Variants in GLI3 observed in about 807,000 individuals in gnomAD.
The protein encoded by GLI3 is transcription activator GLI3.
A neutral mutation model predicts 100.8 loss-of-function variants in GLI3; 20 were observed. The ratio of observed to expected loss-of-function variants is 0.20; its 90% CI spans 0.14 to 0.29. The LOEUF is 0.29. GLI3 is among the 10% of genes least tolerant of loss of function. The pLI, the probability that GLI3 is intolerant of heterozygous loss-of-function variation, is 1.00. For synonymous variants in GLI3, 938 were observed against 860.5 expected (o/e 1.09, Z -1.58); for missense variants, 2,040 against 2,128.5 (o/e 0.96, Z 0.82).
At chr7:42,139,547 C>T (rs1410378644) in intron 3 of GLI3, among the ~76,000 whole-genome samples, 1 of 152,110 alleles carries the variant, frequency 6.6e-6, no homozygotes, top group Non-Finnish European at 1.5e-5. Flanking sequence ...GGCATGGTGG[C>T]ACATGCCTGT....
rs941031777 is a variant in GLI3 at position 42,161,293 on chromosome 7, G to A, written c.125-12825C>T. 7.9e-5 allele frequency among the ~76,000 whole-genome samples: 12 copies of A among 152,252 alleles called. No homozygotes were observed. In the South Asian group the frequency reaches 2.3e-3, roughly 29 times the overall value. ...TTAAATTTCAAGGTCCATAAATAAT[G>A]TTTTGTTGGAACACAGCCAGGCTCA... On this transcript the variant is annotated intron_variant, in intron 2 of 14. Coordinates refer to ENST00000395925, the MANE Select transcript of GLI3 (RefSeq NM_000168.6).
At chr7:42,122,724 G>A (rs1786032006) in intron 3 of GLI3, among the ~76,000 whole-genome samples, 2 of 152,198 alleles carry the variant, frequency 1.3e-5, no homozygotes, top group Non-Finnish European at 2.9e-5. Context: ...TGCAAGTCAA[G>A]TATATTCTAA....
At chr7:42,147,956 T>C (rs533131996) in intron 3 of GLI3, among the ~76,000 whole-genome samples, 1 of 152,180 alleles carries the variant, frequency 6.6e-6, no homozygotes, top group Non-Finnish European at 1.5e-5. Flanking sequence ...CTCATGTGGA[T>C]TAGTCACAAA....
At chr7:42,125,370 C>T (rs555739291) in intron 3 of GLI3, among the ~76,000 whole-genome samples, 1 of 152,314 alleles carries the variant, frequency 6.6e-6, no homozygotes, top group Admixed American at 6.5e-5. Flanking sequence ...CAGCAGACCA[C>T]GGAGGAAGGC....
intron 2 of GLI3, among the ~76,000 whole-genome samples, chr7:42,170,266 T>TTACATATATATATATATATATA (rs1787339574): frequency 1.5e-5 from 2 of 137,688 alleles, no homozygotes; most frequent in South Asian, 2.3e-4. Context: ...AAAAAAAAAA[T>TTACATATATATATATATATATA]TATATATATA....
At position 41,964,420 on chromosome 7, in the gene GLI3, G is replaced by T. The variant is rs140436882; in HGVS notation, c.4653C>A (p.Ser1551=). The T allele has an allele frequency of 3.1e-6, 5 of 1,613,980 alleles. No homozygotes were observed. In the African/African-American group the frequency reaches 6.7e-5, roughly 22 times the overall value. ...PRASLPFPAL[S]MSTTNMAIGD... is the part of the protein sequence containing the mutation. Reference sequence around the variant, plus strand: ...CGATAGCCATGTTGGTGGTGCTCATGGACAGCGCTGGGAATGGGAGGGACG... The same window carrying T: ...CGATAGCCATGTTGGTGGTGCTCATTGACAGCGCTGGGAATGGGAGGGACG... Residue 1551 remains serine (S), a synonymous_variant, in exon 15 of 15, where the codon TCC becomes TCA. Coordinates refer to ENST00000395925, the MANE Select transcript of GLI3 (RefSeq NM_000168.6).
intron 3 of GLI3, among the ~76,000 whole-genome samples, chr7:42,096,981 T>C (rs1382343380): frequency 5.3e-5 from 8 of 152,180 alleles, no homozygotes; most frequent in Admixed American, 5.2e-4. Flanking sequence ...GGATGTTTAA[T>C]AAAAAGCTGT....
chr7:42,122,602 G>A (rs1458275736), intron 3 of GLI3, among the ~76,000 whole-genome samples: 1 of 152,176 alleles, frequency 6.6e-6, no homozygotes, highest in Admixed American at 6.5e-5. Context: ...ACACAAGTCA[G>A]CCAGCAAAGG....
intron 2 of GLI3, among the ~76,000 whole-genome samples, chr7:42,152,953 A>C (rs1015371764): frequency 3.3e-5 from 5 of 152,228 alleles, no homozygotes; most frequent in Non-Finnish European, 5.9e-5. Context: ...CTAGCCGCTC[A>C]GCTCAATTCA....
At position 42,148,135 on chromosome 7, in the gene GLI3, GCACA is replaced by G. The variant is rs34148485; in HGVS notation, c.367+87_367+90del. The G allele has an allele frequency of 0.21, 179,521 of 856,160 alleles. 5,791 individuals carry two copies. Among genetic ancestry groups the G allele is most frequent in the South Asian group, 0.26 (11,600 of 45,298 alleles). The allele number at this position is 856,160 out of a possible 1,614,324, so 53.0% of individuals were successfully genotyped here. A position where few individuals can be genotyped will look rare whatever the true frequency, so the allele number is the denominator to read the frequency against. ...TACAAGCCAAAACTTCATAAAGCGC[GCACA>G]CACACACACACACACACACACACAC... On this transcript the variant is annotated intron_variant, in intron 3 of 14. Coordinates refer to ENST00000395925, the MANE Select transcript of GLI3 (RefSeq NM_000168.6).
intron 7 of GLI3, among the ~76,000 whole-genome samples, chr7:42,028,199 A>G (rs933408127): frequency 6.6e-6 from 1 of 152,188 alleles, no homozygotes; most frequent in Non-Finnish European, 1.5e-5. Context: ...AAACCAAAAT[A>G]ACCCACTTCA....
chr7:42,081,571 G>A (rs907581655), intron 3 of GLI3, among the ~76,000 whole-genome samples: 8 of 152,282 alleles, frequency 5.3e-5, no homozygotes, highest in Middle Eastern at 3.4e-3. Context: ...GAGAGGCATT[G>A]ATTTTTAGGT....
chr7:42,020,157 A>T (rs570129175), intron 10 of GLI3, among the ~76,000 whole-genome samples: 2 of 152,348 alleles, frequency 1.3e-5, no homozygotes, highest in Admixed American at 6.5e-5. Flanking sequence ...TGAACGAGGT[A>T]ATCTTTTCAA....
In GLI3 at chr7:41,963,975, T is replaced by A. The variant is rs1351036573; in HGVS notation, c.*355A>T. ...TTGAGCAACAGCAAAACATGTCAAA[T>A]CCTTTAATTTGACTGCTCTTCTAAA... On this transcript the variant is annotated 3_prime_UTR_variant, in exon 15 of 15. Coordinates refer to ENST00000395925, the MANE Select transcript of GLI3 (RefSeq NM_000168.6). 4.8e-6 allele frequency: 1 copy of A among 207,958 alleles called. No homozygotes were observed. Among genetic ancestry groups the A allele is most frequent in the East Asian group, 1.3e-4 (1 of 7,702 alleles). The allele number at this position is 207,958 out of a possible 1,614,324, so 12.9% of individuals were successfully genotyped here.
rs142866706 is a variant in GLI3, at chr7:42,258,863, G to T, written c.-43+5131C>A. Among the ~76,000 whole-genome samples, 1,149 of 152,266 alleles carry T rather than the reference G, an allele frequency of 7.5e-3. 14 individuals are homozygous for T. Among genetic ancestry groups the T allele is most frequent in the African/African-American group, 0.026 (1,090 of 41,546 alleles). On this transcript the variant is annotated intron_variant, in intron 1 of 2. Transcript: ENST00000678978. ...ATTAGGATTTCAACATATGAATTTT[G>T]GGGGGACACAAACTTTTGGCCCATA... is the stretch of plus-strand genomic sequence containing the variant.
At chr7:42,182,683 C>CACGTGTGTGTATATATATATATATATAT (rs1787637127) in intron 2 of GLI3, among the ~76,000 whole-genome samples, 4 of 54,866 alleles carry the variant, frequency 7.3e-5, no homozygotes, top group African/African-American at 3.7e-4. Flanking sequence ...TATATATATA[C>CACGTGTGTGTATATATATATATATATAT]ACATGTGTGT....
chr7:41,999,324 T>C (rs552745031), intron 10 of GLI3, among the ~76,000 whole-genome samples: 225 of 152,278 alleles, frequency 1.5e-3, no homozygotes, highest in Non-Finnish European at 1.9e-3. Flanking sequence ...CAGCGTAGTC[T>C]TGACTTATGC....
chr7:42,148,640 T>C (rs972353796), intron 2 of GLI3, among the ~76,000 whole-genome samples, 172 bp from the exon 3 acceptor site: 5 of 152,164 alleles, frequency 3.3e-5, no homozygotes, highest in African/African-American at 9.7e-5. Context: ...GCAGACAAAA[T>C]TGTTTATGAA....
At chr7:42,229,141 T>C (rs1247774846) in intron 1 of GLI3, among the ~76,000 whole-genome samples, 1 of 152,220 alleles carries the variant, frequency 6.6e-6, no homozygotes. Flanking sequence ...TCGAACAGCA[T>C]CCTTCAATCA....
Sources: gnomAD v4.1 joint callset for allele counts (sites outside exome capture counted in the v4.1 genomes callset) on GRCh38, gnomAD v4.1.1 for gene constraint, MANE v1.5 for transcripts, NCBI Gene and HGNC (gene_info 2026-07-23, HGNC 2026-07-21) for gene names.